Variants in MCTP1 observed in about 807,000 individuals in gnomAD.
MCTP1 encodes multiple C2 and transmembrane domain-containing protein 1.
Under a neutral mutation model 120.6 loss-of-function variants are expected in MCTP1, and 69 were observed. The ratio of observed to expected loss-of-function variants is 0.57; its 90% CI spans 0.47 to 0.70. MCTP1 has a LOEUF of 0.70. Among genes scored for constraint, MCTP1 ranks in the 30% least tolerant of loss-of-function variants. The pLI, the probability that MCTP1 is intolerant of heterozygous loss-of-function variation, is 0.00. For synonymous variants in MCTP1, 529 were observed against 493.1 expected, an observed-to-expected ratio of 1.07 and a Z score of -0.96; for missense variants, 1,203 against 1,248.8, an observed-to-expected ratio of 0.96 and a Z score of 0.55.
chr5:94,974,100 TAAC>T (rs1216233710), intron 2 of MCTP1, among the ~76,000 whole-genome samples: 10 of 152,168 alleles, frequency 6.6e-5, no homozygotes, highest in African/African-American at 2.4e-4. Flanking sequence ...TATAATTACT[TAAC>T]AATCTGAAAA....
At position 95,134,213 on chromosome 5, in the gene MCTP1, T is replaced by C. The variant is rs1403795496; in HGVS notation, c.721-116729A>G. Among the ~76,000 whole-genome samples the C allele has an allele frequency of 2.0e-5, 3 of 152,212 alleles. No individual in the cohort carries two copies. In the East Asian group the frequency reaches 5.8e-4, roughly 29 times the overall value. On this transcript the variant is annotated intron_variant, in intron 1 of 22. Coordinates refer to ENST00000515393, the MANE Select transcript of MCTP1 (RefSeq NM_024717.7). Reference sequence around the variant, plus strand: ...ATGTTAAGTGTTTTAATCAGTGTAGTATGTTTATGATTTTTGAAACTCTAT... The same window carrying C: ...ATGTTAAGTGTTTTAATCAGTGTAGCATGTTTATGATTTTTGAAACTCTAT...
chr5:94,897,907 T>A (rs1228860443), intron 10 of MCTP1, among the ~76,000 whole-genome samples: 2 of 152,180 alleles, frequency 1.3e-5, no homozygotes, highest in Non-Finnish European at 2.9e-5. Context: ...AAGAATTATC[T>A]CAGTTTCCAA....
intron 1 of MCTP1, among the ~76,000 whole-genome samples, chr5:95,236,398 G>A (rs946039241): frequency 1.3e-5 from 2 of 152,038 alleles, no homozygotes; most frequent in African/African-American, 2.4e-5. Context: ...CTTCCTAAAC[G>A]CCATTCTAAA....
At chr5:95,028,729 G>A (rs931892431) in intron 1 of MCTP1, among the ~76,000 whole-genome samples, 1 of 152,180 alleles carries the variant, frequency 6.6e-6, no homozygotes, top group African/African-American at 2.4e-5. Flanking sequence ...TGTGTTGCAA[G>A]ATACAAATTT....
At chr5:95,251,819 C>G (rs955959482) in intron 1 of MCTP1, among the ~76,000 whole-genome samples, 3 of 152,006 alleles carry the variant, frequency 2.0e-5, no homozygotes, top group African/African-American at 7.2e-5. Context: ...ATAATAGATA[C>G]TATTATCCAC....
chr5:95,102,249 G>A (rs1460810398), intron 1 of MCTP1, among the ~76,000 whole-genome samples: 1 of 152,152 alleles, frequency 6.6e-6, no homozygotes, highest in Non-Finnish European at 1.5e-5. Flanking sequence ...GCCAGCTGGA[G>A]GATGGTAAGC....
At chr5:95,208,247 G>A (rs1751904635) in intron 1 of MCTP1, among the ~76,000 whole-genome samples, 1 of 152,058 alleles carries the variant, frequency 6.6e-6, no homozygotes, top group African/African-American at 2.4e-5. Flanking sequence ...CTGCAACCAT[G>A]TCCAGCTAAT....
chr5:95,047,885 A>G (rs2151965402), intron 1 of MCTP1, among the ~76,000 whole-genome samples: 2 of 152,294 alleles, frequency 1.3e-5, no homozygotes, highest in South Asian at 4.1e-4. Context: ...AACATGGATT[A>G]AGAGGTGGCT....
chr5:94,739,503 C>A (rs983314875), intron 19 of MCTP1: 1 of 152,078 alleles, frequency 6.6e-6, no homozygotes, highest in Non-Finnish European at 1.5e-5. Flanking sequence ...GCATGGCATT[C>A]GAATAAGAAG....
intron 2 of MCTP1, among the ~76,000 whole-genome samples, chr5:94,974,388 A>AT (rs1306332278): frequency 6.6e-6 from 1 of 151,928 alleles, no homozygotes; most frequent in Non-Finnish European, 1.5e-5. Flanking sequence ...TATCTACAAA[A>AT]TTTTTTTAAA....
chr5:94,931,816 T>C, intron 6 of MCTP1, 137 bp downstream of exon 6: 1 of 704,310 alleles, frequency 1.4e-6, no homozygotes, highest in Non-Finnish European at 2.4e-6. Flanking sequence ...CATGGTTGGC[T>C]TAAATTTATG....
intron 1 of MCTP1, among the ~76,000 whole-genome samples, chr5:95,091,566 G>A (rs1454425062): frequency 6.6e-6 from 1 of 152,134 alleles, no homozygotes; most frequent in African/African-American, 2.4e-5. Context: ...TAGATGCCCT[G>A]ACTGCCTGGG....
intron 20 of MCTP1, among the ~76,000 whole-genome samples, chr5:94,713,972 T>G (rs1758068521): frequency 6.6e-6 from 1 of 152,164 alleles, no homozygotes; most frequent in South Asian, 2.1e-4. Context: ...TGTCCAGAAT[T>G]TGGCACCCCT....
chr5:95,018,990 T>G (rs1208589369), intron 1 of MCTP1, among the ~76,000 whole-genome samples: 1 of 152,090 alleles, frequency 6.6e-6, no homozygotes, highest in African/African-American at 2.4e-5. Context: ...CATATAGGTT[T>G]GGTTTTTTGT....
rs939894561 is a variant in MCTP1 at position 94,707,260 on chromosome 5, T to C, written c.*236A>G. 3.5e-5 allele frequency: 15 copies of C among 428,844 alleles called. No individual in the cohort carries two copies. Among genetic ancestry groups the C allele is most frequent in the African/African-American group, 3.1e-4 (15 of 48,838 alleles). The allele number at this position is 428,844 out of a possible 1,614,324, so 26.6% of individuals were successfully genotyped here. A position where few individuals can be genotyped will look rare whatever the true frequency, so the allele number is the denominator to read the frequency against. On this transcript the variant is annotated 3_prime_UTR_variant, in exon 23 of 23. Transcript: ENST00000515393. ...GTTCTTTCAGTGTGTTATATTATTA[T>C]CCACAGCTAACAAGGTTTTGACACA...
rs1006999991 is a variant in MCTP1, at chr5:94,704,204, A to G, written c.*3292T>C. 5 of 151,492 alleles carry G rather than the reference A, an allele frequency of 3.3e-5. No homozygotes were observed. The highest frequency in any genetic ancestry group is 1.2e-4 in the African/African-American group (5 of 41,346). The allele number at this position is 151,492 out of a possible 1,614,324, so 9.4% of individuals were successfully genotyped here. A position where few individuals can be genotyped will look rare whatever the true frequency, so the allele number is the denominator to read the frequency against. ...ACGAATAGACATCATCTGTACACTC[A>G]CTCACACTAGAGTGTGAAATCACGC... is the stretch of plus-strand genomic sequence containing the variant. On this transcript the variant is annotated 3_prime_UTR_variant, in exon 23 of 23. Coordinates refer to ENST00000515393, the MANE Select transcript of MCTP1 (RefSeq NM_024717.7).
intron 10 of MCTP1, among the ~76,000 whole-genome samples, chr5:94,899,504 G>C (rs976864402): frequency 1.3e-5 from 2 of 152,168 alleles, no homozygotes; most frequent in African/African-American, 4.8e-5. Context: ...ATATACTTTT[G>C]AGTTTCTGGC....
chr5:95,223,501 G>A (rs544740556), intron 1 of MCTP1, among the ~76,000 whole-genome samples: 86 of 151,896 alleles, frequency 5.7e-4, no homozygotes, highest in South Asian at 4.4e-3. Context: ...TAAAATCATC[G>A]TCACACCCCT....
intron 1 of MCTP1, among the ~76,000 whole-genome samples, chr5:95,283,184 T>G (rs1410314370): frequency 1.1e-4 from 16 of 152,178 alleles, no homozygotes; most frequent in African/African-American, 3.9e-4. Context: ...GTCTGAGCAA[T>G]CAACATGATG....
Sources: allele counts gnomAD v4.1 joint callset (sites outside exome capture counted in the v4.1 genomes callset), GRCh38; gene constraint gnomAD v4.1.1; transcripts MANE v1.5; gene names NCBI Gene and HGNC (gene_info 2026-07-23, HGNC 2026-07-21).